PTPRT: variants seen among roughly 807,000 people sequenced by gnomAD.
PTPRT encodes the protein protein tyrosine phosphatase receptor type T.
A neutral mutation model predicts 176.8 loss-of-function variants in PTPRT; 56 were observed. That is an observed-to-expected ratio of 0.32 (90% CI 0.26 to 0.40). PTPRT has a LOEUF of 0.40. Among genes scored for constraint, PTPRT ranks in the 10% least tolerant of loss-of-function variants. PTPRT has a pLI of 1.00. For missense variants in PTPRT, 1,540 were observed against 1,908.2 expected, an observed-to-expected ratio of 0.81 and a Z score of 3.60; for synonymous variants, 783 against 739.0, an observed-to-expected ratio of 1.06 and a Z score of -0.96.
intron 7 of PTPRT, among the ~76,000 whole-genome samples, chr20:42,643,838 A>G (rs1033774892): frequency 6.6e-6 from 1 of 151,626 alleles, no homozygotes; most frequent in African/African-American, 2.4e-5. Flanking sequence ...TAATGCCTCT[A>G]TGGACCTCCC....
chr20:42,415,610 A>G (rs2059059063), intron 9 of PTPRT, among the ~76,000 whole-genome samples: 1 of 152,224 alleles, frequency 6.6e-6, no homozygotes, highest in Admixed American at 6.5e-5. Context: ...TTTTGATATA[A>G]TTACATGAAA....
intron 1 of PTPRT, among the ~76,000 whole-genome samples, chr20:42,928,173 G>A (rs1437240696): frequency 6.6e-6 from 1 of 152,218 alleles, no homozygotes; most frequent in Non-Finnish European, 1.5e-5. Context: ...ATTGCACAAG[G>A]CTCTGGTTCC....
At chr20:42,468,703 G>T (rs926381693) in intron 8 of PTPRT, among the ~76,000 whole-genome samples, 3 of 152,138 alleles carry the variant, frequency 2.0e-5, no homozygotes, top group Non-Finnish European at 4.4e-5. Context: ...TGAGGCACAG[G>T]GAGGTAATCC....
chr20:42,277,704 C>T lies in PTPRT; in HGVS notation c.2176+4785G>A, dbSNP rs147771298. Among the ~76,000 whole-genome samples the T allele has an allele frequency of 9.1e-3, 1,388 of 152,182 alleles. 23 individuals carry two copies. Among genetic ancestry groups the T allele is most frequent in the African/African-American group, 0.032 (1,338 of 41,528 alleles). On this transcript the variant is annotated intron_variant, in intron 13 of 30. Transcript: ENST00000373187. The stretch of plus-strand genomic sequence containing the variant: ...CCATGGTGGGTAGAGAGATCTCTAT[C>T]ACAGCAGGAACAGAAACAGAGGCTG...
chr20:43,091,512 CCCT>C (rs2011865346), intron 1 of PTPRT, among the ~76,000 whole-genome samples: 1 of 148,942 alleles, frequency 6.7e-6, no homozygotes, highest in Non-Finnish European at 1.5e-5. Context: ...TCTCTCTCCC[CCCT>C]CTCTTTCTCT....
chr20:42,641,114 C>T (rs2074737269), intron 7 of PTPRT, among the ~76,000 whole-genome samples: 1 of 151,994 alleles, frequency 6.6e-6, no homozygotes, highest in South Asian at 2.1e-4. Flanking sequence ...CCAATTTTTG[C>T]TACCATAAAT....
chr20:42,077,751 A>G lies in PTPRT; in HGVS notation c.*3128T>C. 1 of 191,406 alleles carries G rather than the reference A, an allele frequency of 5.2e-6. No homozygotes were observed. 11.9% of individuals were successfully genotyped at this position (191,406 alleles called of 1,614,324 possible). A position where few individuals can be genotyped will look rare whatever the true frequency, so the allele number is the denominator to read the frequency against. On this transcript the variant is annotated 3_prime_UTR_variant, in exon 31 of 31. Coordinates refer to ENST00000373187, the MANE Select transcript of PTPRT (RefSeq NM_007050.6). ...GAGAATGGTTGGGTTGTGGGAAAAT[A>G]AGGGGATGAGCTGGGGGAAATCATC...
intron 12 of PTPRT, among the ~76,000 whole-genome samples, chr20:42,301,079 T>C (rs530335082): frequency 6.4e-4 from 98 of 152,154 alleles, no homozygotes; most frequent in Admixed American, 1.1e-3. Context: ...TTGAAGAAGA[T>C]TTTACATAGT....
chr20:42,748,622 T>C (rs1474305404), intron 6 of PTPRT, among the ~76,000 whole-genome samples: 1 of 152,138 alleles, frequency 6.6e-6, no homozygotes, highest in Non-Finnish European at 1.5e-5. Context: ...TCAGGACTTA[T>C]TATTGCACCG....
chr20:42,252,762 G>A (rs758326575), intron 13 of PTPRT, among the ~76,000 whole-genome samples: 1 of 152,218 alleles, frequency 6.6e-6, no homozygotes, highest in Non-Finnish European at 1.5e-5. Context: ...GAGGGCCACA[G>A]AAGAACATTC....
intron 2 of PTPRT, among the ~76,000 whole-genome samples, chr20:42,824,296 GTCTC>G: frequency 6.6e-6 from 1 of 152,080 alleles, no homozygotes; most frequent in South Asian, 2.1e-4. Context: ...GACACAAAGA[GTCTC>G]TCTCTCTTTT....
chr20:43,075,345 C>A (rs1034297889), intron 1 of PTPRT, among the ~76,000 whole-genome samples: 3 of 152,232 alleles, frequency 2.0e-5, no homozygotes, highest in Non-Finnish European at 2.9e-5. Context: ...TCCTCTCCTG[C>A]GGAGATGCAC....
chr20:42,245,501 A>G (rs545513473), intron 14 of PTPRT, among the ~76,000 whole-genome samples: 1 of 152,310 alleles, frequency 6.6e-6, no homozygotes, highest in African/African-American at 2.4e-5. Flanking sequence ...AAACAAAACC[A>G]GGCAACAACA....
At chr20:42,851,652 C>T (rs1304172279) in intron 2 of PTPRT, among the ~76,000 whole-genome samples, 2 of 152,196 alleles carry the variant, frequency 1.3e-5, no homozygotes, top group South Asian at 2.1e-4. Flanking sequence ...AAATATTTTT[C>T]GTAAAGAGCT....
intron 1 of PTPRT, among the ~76,000 whole-genome samples, chr20:42,954,054 G>C (rs937708591): frequency 6.6e-6 from 1 of 152,096 alleles, no homozygotes; most frequent in South Asian, 2.1e-4. Context: ...GGGACTCTAA[G>C]ACCTCCCGTG....
chr20:42,323,741 C>A (rs1048699350), intron 11 of PTPRT, among the ~76,000 whole-genome samples: 2 of 151,428 alleles, frequency 1.3e-5, no homozygotes, highest in African/African-American at 4.9e-5. Context: ...TGTACATGTA[C>A]CCTAAAACTT....
intron 1 of PTPRT, among the ~76,000 whole-genome samples, chr20:43,122,833 G>GGTTTT (rs2013315777): frequency 6.6e-6 from 1 of 152,086 alleles, no homozygotes; most frequent in African/African-American, 2.4e-5. Flanking sequence ...CACAGGCCCA[G>GGTTTT]GTTTTGTTTT....
intron 1 of PTPRT, among the ~76,000 whole-genome samples, chr20:43,140,276 C>G (rs924225661): frequency 6.6e-6 from 1 of 152,130 alleles, no homozygotes; most frequent in Non-Finnish European, 1.5e-5. Context: ...TATTTCACAG[C>G]ATGGACATTT....
At chr20:42,576,942 C>T (rs949865153) in intron 7 of PTPRT, among the ~76,000 whole-genome samples, 1 of 152,102 alleles carries the variant, frequency 6.6e-6, no homozygotes, top group Non-Finnish European at 1.5e-5. Context: ...GGAAGACAGT[C>T]CATTTTGATA....
Sources: allele counts gnomAD v4.1 joint callset (sites outside exome capture counted in the v4.1 genomes callset), GRCh38; gene constraint gnomAD v4.1.1; transcripts MANE v1.5; gene names NCBI Gene and HGNC (gene_info 2026-07-23, HGNC 2026-07-21).